Variants in CHSY3 observed in about 807,000 individuals in gnomAD.
The protein encoded by CHSY3 is chondroitin sulfate synthase 3, also known as N-acetylgalactosaminyl-proteoglycan 3-beta-glucuronosyltransferase 3.
In CHSY3, 35 loss-of-function variants were observed where a neutral mutation model predicts 67.2. The observed-to-expected ratio is 0.52, with a 90% CI of 0.40 to 0.69. The LOEUF (loss-of-function observed/expected upper bound fraction) is 0.69, where lower values mean the gene tolerates loss of function less well. Among genes scored for constraint, CHSY3 ranks in the 30% least tolerant of loss-of-function variants. The probability of loss-of-function intolerance (pLI) is 0.00; values close to 1 mark genes in which losing one functional copy is unlikely to be tolerated. For synonymous variants in CHSY3, 474 were observed against 434.7 expected, an observed-to-expected ratio of 1.09 and a Z score of -1.12; for missense variants, 1,069 against 1,138.5, an observed-to-expected ratio of 0.94 and a Z score of 0.88.
rs117635948 is a variant in CHSY3, at chr5:129,929,244, G to C, written c.1086+20884G>C. Reference sequence around the variant, plus strand: ...CTAGAGTCACTTTGTTGTTCTAGGAGAGATCTGTGAGGAGTGAAAGAGATC... The same window carrying C: ...CTAGAGTCACTTTGTTGTTCTAGGACAGATCTGTGAGGAGTGAAAGAGATC... On this transcript the variant is annotated intron_variant, in intron 2 of 2. Coordinates refer to ENST00000305031, the MANE Select transcript of CHSY3 (RefSeq NM_175856.5). 6.2e-4 allele frequency among the ~76,000 whole-genome samples: 95 copies of C among 152,260 alleles called. No individual in the cohort carries two copies. In the East Asian group the frequency reaches 0.015, roughly 24 times the overall value.
intron 2 of CHSY3, among the ~76,000 whole-genome samples, chr5:130,135,812 G>T (rs553727602): frequency 2.0e-5 from 3 of 152,200 alleles, no homozygotes; most frequent in Admixed American, 2.0e-4. Context: ...AGATTGTTTT[G>T]CTACCCTCAC....
At chr5:130,166,115 C>A (rs1357947694) in intron 2 of CHSY3, among the ~76,000 whole-genome samples, 1 of 152,120 alleles carries the variant, frequency 6.6e-6, no homozygotes, top group Non-Finnish European at 1.5e-5. Flanking sequence ...TTATTTAGCT[C>A]ATTGATTGTA....
chr5:130,073,600 T>A (rs978518033), intron 2 of CHSY3, among the ~76,000 whole-genome samples: 1 of 152,094 alleles, frequency 6.6e-6, no homozygotes, highest in Admixed American at 6.6e-5. Context: ...GCTGGTGGGA[T>A]TGTAAATTAG....
At chr5:129,937,309 C>T (rs1339928851) in intron 2 of CHSY3, among the ~76,000 whole-genome samples, 2 of 152,144 alleles carry the variant, frequency 1.3e-5, no homozygotes, top group East Asian at 3.9e-4. Flanking sequence ...GGAACAAGTG[C>T]TACACACTTT....
At chr5:130,161,826 T>C (rs898237077) in intron 2 of CHSY3, among the ~76,000 whole-genome samples, 27 of 151,932 alleles carry the variant, frequency 1.8e-4, no homozygotes, top group Admixed American at 1.6e-3. Context: ...ATTGCTTGAG[T>C]CCAAGAGTTC....
At chr5:130,172,053 C>A (rs747111874) in intron 2 of CHSY3, among the ~76,000 whole-genome samples, 15 of 152,134 alleles carry the variant, frequency 9.9e-5, no homozygotes, top group Non-Finnish European at 1.9e-4. Flanking sequence ...TCTGCCCTGT[C>A]TGGGTGGTGA....
At chr5:130,123,741 C>G (rs1163546806) in intron 2 of CHSY3, among the ~76,000 whole-genome samples, 3 of 152,070 alleles carry the variant, frequency 2.0e-5, no homozygotes, top group Non-Finnish European at 2.9e-5. Context: ...GAGACAGAGA[C>G]AGTGATGACA....
chr5:130,054,357 T>G (rs1197527902), intron 2 of CHSY3, among the ~76,000 whole-genome samples: 1 of 152,330 alleles, frequency 6.6e-6, no homozygotes, highest in African/African-American at 2.4e-5. Context: ...CTAACCTTGT[T>G]TTCAAATATA....
chr5:130,010,916 A>G (rs986637603), intron 2 of CHSY3, among the ~76,000 whole-genome samples: 10 of 140,822 alleles, frequency 7.1e-5, no homozygotes, highest in Admixed American at 5.1e-4. Flanking sequence ...ACCTCCCAAG[A>G]TAGAACTAGA....
At position 130,143,802 on chromosome 5, in the gene CHSY3, ATATG is replaced by A. The variant is rs1288924307; in HGVS notation, c.1087-40425_1087-40422del. Among the ~76,000 whole-genome samples, 14 of 56,596 alleles carry A rather than the reference ATATG, an allele frequency of 2.5e-4. 1 individual carries two copies. Among genetic ancestry groups the A allele is most frequent in the South Asian group, 1.4e-3 (2 of 1,472 alleles). 37.1% of individuals were successfully genotyped at this position (56,596 alleles called of 152,430 possible). A position where few individuals can be genotyped will look rare whatever the true frequency, so the allele number is the denominator to read the frequency against. ...TATATGTGTATATATATATATATAT[ATATG>A]TGTGTATATATATATATATATATAT... On this transcript the variant is annotated intron_variant, in intron 2 of 2. Transcript: ENST00000305031.
intron 2 of CHSY3, among the ~76,000 whole-genome samples, chr5:130,169,797 A>G (rs1036164998): frequency 6.6e-6 from 1 of 152,036 alleles, no homozygotes; most frequent in African/African-American, 2.4e-5. Context: ...AACTGGAATG[A>G]AACATATGAA....
chr5:130,178,470 T>G (rs555225988), intron 2 of CHSY3, among the ~76,000 whole-genome samples: 2 of 151,634 alleles, frequency 1.3e-5, no homozygotes, highest in Admixed American at 1.3e-4. Flanking sequence ...GCCAGGATGG[T>G]CTCCATCTCC....
Position 130,141,428 on chromosome 5 carries a change from G to A in CHSY3, c.1087-42801G>A, listed in dbSNP as rs557519510. ...CACAGTCATTCCTCCTGCATCCCAT[G>A]GTGTTCCTTTGATTTAAGTCACTTT... On this transcript the variant is annotated intron_variant, in intron 2 of 2. Coordinates refer to ENST00000305031, the MANE Select transcript of CHSY3 (RefSeq NM_175856.5). 6 of 364,540 alleles carry A rather than the reference G, an allele frequency of 1.6e-5. No individual in the cohort carries two copies. The East Asian group carries it at 4.0e-4, about 24-fold the overall frequency. 22.6% of individuals were successfully genotyped at this position (364,540 alleles called of 1,614,324 possible).
chr5:130,162,929 T>G (rs756240290), intron 2 of CHSY3, among the ~76,000 whole-genome samples: 14 of 152,116 alleles, frequency 9.2e-5, no homozygotes, highest in Non-Finnish European at 1.5e-4. Context: ...GTGCTTTCTC[T>G]GTGTAATTGC....
At chr5:129,963,024 G>A (rs1185019556) in intron 2 of CHSY3, among the ~76,000 whole-genome samples, 1 of 151,906 alleles carries the variant, frequency 6.6e-6, no homozygotes, top group Non-Finnish European at 1.5e-5. Context: ...CTCAAAGGTA[G>A]ATGCCAGGGT....
chr5:130,141,160 A>G, intron 2 of CHSY3: 1 of 417,376 alleles, frequency 2.4e-6, no homozygotes, highest in South Asian at 2.0e-5. Context: ...CAGCCATCCT[A>G]TCTGGAAGCA....
intron 2 of CHSY3, among the ~76,000 whole-genome samples, chr5:130,051,406 G>T (rs906826102): frequency 7.9e-5 from 12 of 151,872 alleles, no homozygotes; most frequent in Admixed American, 7.9e-4. Context: ...TTCTTTCTAG[G>T]CTCTTACTTT....
chr5:129,983,641 G>A (rs1763086545), intron 2 of CHSY3, among the ~76,000 whole-genome samples: 1 of 151,976 alleles, frequency 6.6e-6, no homozygotes, highest in Non-Finnish European at 1.5e-5. Context: ...AAGAGAGAGG[G>A]TAGATACTAA....
At chr5:129,948,220 G>T (rs1761918473) in intron 2 of CHSY3, among the ~76,000 whole-genome samples, 1 of 152,106 alleles carries the variant, frequency 6.6e-6, no homozygotes, top group Non-Finnish European at 1.5e-5. Context: ...TGGGGAACAG[G>T]TGGTGTTTAG....
Sources: allele counts gnomAD v4.1 joint callset (sites outside exome capture counted in the v4.1 genomes callset), GRCh38; gene constraint gnomAD v4.1.1; transcripts MANE v1.5; gene names NCBI Gene and HGNC (gene_info 2026-07-23, HGNC 2026-07-21).